CCDC91: variants seen among roughly 807,000 people sequenced by gnomAD.
CCDC91 encodes coiled-coil domain containing 91.
CCDC91 carries 48 observed loss-of-function variants against 63.2 expected under a neutral mutation model. The observed-to-expected ratio is 0.76, with a 90% CI of 0.60 to 0.97. The LOEUF is 0.97. CCDC91 is among the 50% of genes least tolerant of loss of function. CCDC91 has a pLI of 0.00. For missense variants in CCDC91, 500 were observed against 494.6 expected, an observed-to-expected ratio of 1.01 and a Z score of -0.10; for synonymous variants, 167 against 165.8, an observed-to-expected ratio of 1.01 and a Z score of -0.06.
At chr12:28,514,452 G>GTTTTTTTTTTTT (rs556014961) in intron 12 of CCDC91, among the ~76,000 whole-genome samples, 1 of 134,798 alleles carries the variant, frequency 7.4e-6, no homozygotes. Context: ...AACCTCTTTA[G>GTTTTTTTTTTTT]TTTTTTTTTT....
intron 1 of CCDC91, among the ~76,000 whole-genome samples, chr12:28,252,540 T>C (rs1482146242): frequency 6.6e-6 from 1 of 152,034 alleles, no homozygotes; most frequent in Non-Finnish European, 1.5e-5. Context: ...TCTGCAATTA[T>C]ATATTTTTAT....
intron 8 of CCDC91, among the ~76,000 whole-genome samples, chr12:28,447,508 C>G (rs570337359): frequency 1.3e-5 from 2 of 151,040 alleles, no homozygotes; most frequent in South Asian, 2.1e-4. Context: ...TTTGAATAGC[C>G]TCTTGTGAAT....
intron 2 of CCDC91, among the ~76,000 whole-genome samples, chr12:28,258,337 G>A (rs78374660): frequency 0.029 from 4,471 of 151,934 alleles, 103 homozygotes; most frequent in Non-Finnish European, 0.044. Flanking sequence ...TTATTGTTTA[G>A]AAGTTGTTAT....
At chr12:28,254,772 C>CTTTT (rs34812000) in intron 1 of CCDC91, among the ~76,000 whole-genome samples, 2 of 128,824 alleles carry the variant, frequency 1.6e-5, no homozygotes, top group Non-Finnish European at 1.6e-5. Flanking sequence ...GTATCATCTG[C>CTTTT]TTTTTTTTTT....
intron 12 of CCDC91, among the ~76,000 whole-genome samples, chr12:28,543,258 G>A (rs888518010): frequency 3.3e-5 from 5 of 152,048 alleles, no homozygotes; most frequent in African/African-American, 1.2e-4. Context: ...TCACAAGTGT[G>A]GGGGTAGGAC....
intron 3 of CCDC91, among the ~76,000 whole-genome samples, chr12:28,286,066 A>G (rs1390773657): frequency 6.6e-6 from 1 of 152,084 alleles, no homozygotes; most frequent in East Asian, 1.9e-4. Context: ...TTCTTTTTCT[A>G]CAGTATGCTT....
intron 1 of CCDC91, among the ~76,000 whole-genome samples, chr12:28,218,443 C>G (rs1943708693): frequency 6.9e-6 from 1 of 145,642 alleles, no homozygotes; most frequent in Admixed American, 7.1e-5. Flanking sequence ...CCAATAACTC[C>G]TCAAGCTGGA....
intron 12 of CCDC91, among the ~76,000 whole-genome samples, chr12:28,527,602 A>G (rs756010262): frequency 2.0e-5 from 3 of 148,136 alleles, no homozygotes; most frequent in Non-Finnish European, 3.0e-5. Context: ...CACTTGCAAG[A>G]GAGCATCAGC....
rs1565992969 is a variant in CCDC91 at position 28,450,209 on chromosome 12, G to T, written c.811G>T (p.Glu271Ter). ...AGATACAGAGAAGGAACTGTTAAAA[G>T]AAAAAATAAAGGAAGCTTTGATTCA... ...MLDTEKELLK[E>*]KIKEALIQQS... is the part of the protein sequence containing the mutation. The change falls in exon 9 of 13, where the codon GAA becomes TAA. Residue 271 changes from glutamate to a stop codon, truncating the protein, a stop_gained. Coordinates refer to ENST00000536442, the MANE Select transcript of CCDC91 (RefSeq NM_018318.5). LOFTEE classifies it high-confidence loss of function. The T allele has an allele frequency of 6.2e-7, 1 of 1,610,288 alleles. No homozygotes were observed. Among genetic ancestry groups the T allele is most frequent in the Non-Finnish European group, 8.5e-7 (1 of 1,177,934 alleles).
chr12:28,496,465 A>G (rs761396345), intron 12 of CCDC91, among the ~76,000 whole-genome samples: 3 of 151,634 alleles, frequency 2.0e-5, no homozygotes, highest in Non-Finnish European at 4.4e-5. Context: ...CAGGGGAATC[A>G]TACCTCATAA....
chr12:28,375,049 T>G (rs2138925716), intron 7 of CCDC91, among the ~76,000 whole-genome samples: 3 of 152,182 alleles, frequency 2.0e-5, no homozygotes, highest in Admixed American at 2.0e-4. Flanking sequence ...TAGAGCTGAT[T>G]ACGAGCATAG....
At chr12:28,221,337 C>T (rs561794966) in intron 1 of CCDC91, among the ~76,000 whole-genome samples, 1 of 152,054 alleles carries the variant, frequency 6.6e-6, no homozygotes, top group Non-Finnish European at 1.5e-5. Context: ...GCTTTTATGT[C>T]CGCTGATTCT....
intron 1 of CCDC91, among the ~76,000 whole-genome samples, chr12:28,235,413 T>C (rs1944879162): frequency 6.6e-6 from 1 of 152,136 alleles, no homozygotes; most frequent in African/African-American, 2.4e-5. Flanking sequence ...GAGGAACACA[T>C]AGGTCTACAT....
intron 8 of CCDC91, among the ~76,000 whole-genome samples, chr12:28,415,145 A>AT (rs1258155985): frequency 6.6e-6 from 1 of 151,350 alleles, no homozygotes; most frequent in Non-Finnish European, 1.5e-5. Context: ...TCTATTTTTA[A>AT]TTTTTTTCTA....
intron 11 of CCDC91, among the ~76,000 whole-genome samples, chr12:28,465,141 G>T (rs183352195): frequency 1.3e-5 from 2 of 152,208 alleles, no homozygotes; most frequent in African/African-American, 4.8e-5. Flanking sequence ...AAAGGGGAGG[G>T]AAGAGTGGGA....
chr12:28,413,173 A>G (rs1022531698), intron 8 of CCDC91, among the ~76,000 whole-genome samples: 1 of 152,088 alleles, frequency 6.6e-6, no homozygotes, highest in Admixed American at 6.5e-5. Context: ...CTTGAGAACT[A>G]CTCATTCCCT....
chr12:28,522,820 T>G lies in CCDC91; in HGVS notation c.1216-26243T>G, dbSNP rs576390938. Among the ~76,000 whole-genome samples the G allele has an allele frequency of 3.9e-5, 6 of 152,328 alleles. No homozygotes were observed. In the South Asian group the frequency reaches 1.2e-3, roughly 32 times the overall value. ...AAGAACATCTTTATTTCTGCCTTCATTTCGTTATGTACCCAGTAGTCATTC... is the reference window on the plus strand; with the variant it reads ...AAGAACATCTTTATTTCTGCCTTCAGTTCGTTATGTACCCAGTAGTCATTC... On this transcript the variant is annotated intron_variant, in intron 12 of 12. Transcript: ENST00000536442.
At chr12:28,428,390 G>A (rs959327464) in intron 8 of CCDC91, among the ~76,000 whole-genome samples, 1 of 151,826 alleles carries the variant, frequency 6.6e-6, no homozygotes, top group African/African-American at 2.4e-5. Context: ...GACCGACAAG[G>A]AGAAACACCG....
chr12:28,246,430 A>G (rs563487627), intron 1 of CCDC91, among the ~76,000 whole-genome samples: 3 of 152,114 alleles, frequency 2.0e-5, no homozygotes, highest in South Asian at 2.1e-4. Flanking sequence ...ATATTGTGAT[A>G]TATTTGTAGA....
Sources: allele counts gnomAD v4.1 joint callset (sites outside exome capture counted in the v4.1 genomes callset), GRCh38; gene constraint gnomAD v4.1.1; transcripts MANE v1.5; gene names NCBI Gene and HGNC (gene_info 2026-07-23, HGNC 2026-07-21).